Variants in TLK1 observed in about 807,000 individuals in gnomAD.
TLK1 encodes the protein serine/threonine-protein kinase tousled-like 1.
Under a neutral mutation model 105.3 loss-of-function variants are expected in TLK1, and 24 were observed. That is an observed-to-expected ratio of 0.23 (90% CI 0.17 to 0.32). The LOEUF (loss-of-function observed/expected upper bound fraction) is 0.32. Among genes scored for constraint, TLK1 ranks in the 10% least tolerant of loss-of-function variants. TLK1 has a pLI of 1.00. For synonymous variants in TLK1, 321 were observed against 310.4 expected, an observed-to-expected ratio of 1.03 and a Z score of -0.36; for missense variants, 558 against 910.5, an observed-to-expected ratio of 0.61 and a Z score of 4.98.
chr2:171,092,236 GA>G (rs1020982963), intron 2 of TLK1, among the ~76,000 whole-genome samples: 2 of 151,654 alleles, frequency 1.3e-5, no homozygotes, highest in Non-Finnish European at 2.9e-5. Flanking sequence ...TTCTGCCAAA[GA>G]AAAAAAATCC....
chr2:171,160,275 C>A lies in TLK1; in HGVS notation c.139+15G>T. On this transcript the variant is annotated intron_variant, in intron 1 of 20. Transcript: ENST00000431350. This position sits in a 1 kb window ranked among gnomAD's most constrained non-coding sequence, Gnocchi z 4.4. ...GAGGAGGCCCGCGAGCGGGCGCGGG[C>A]GCGGCGGTGCTTACCTTCCCTGGGC... 1 of 1,514,024 alleles carries A rather than the reference C, an allele frequency of 6.6e-7. No homozygotes were observed. Among genetic ancestry groups the A allele is most frequent in the Non-Finnish European group, 8.8e-7 (1 of 1,136,326 alleles). The allele number at this position is 1,514,024 out of a possible 1,614,324, so 93.8% of individuals were successfully genotyped here.
chr2:171,178,853 C>T (rs1692879080), intron 1 of TLK1, among the ~76,000 whole-genome samples: 1 of 152,162 alleles, frequency 6.6e-6, no homozygotes, highest in African/African-American at 2.4e-5. Context: ...TTAACATTAT[C>T]AAAACAGTCT....
At chr2:171,214,630 T>C (rs1391143680) in intron 1 of TLK1, among the ~76,000 whole-genome samples, 1 of 152,212 alleles carries the variant, frequency 6.6e-6, no homozygotes, top group Non-Finnish European at 1.5e-5. Flanking sequence ...GCAGTGAGGC[T>C]GAAAAATTTG....
chr2:171,128,222 C>T (rs999274747), intron 1 of TLK1, among the ~76,000 whole-genome samples: 1 of 152,054 alleles, frequency 6.6e-6, no homozygotes, highest in Non-Finnish European at 1.5e-5. Context: ...CTCTCTACTG[C>T]CATGACCTTA....
chr2:170,998,074 CTATCTATCTATCTAT>C (rs1684157144), intron 18 of TLK1, among the ~76,000 whole-genome samples: 1 of 90,612 alleles, frequency 1.1e-5, no homozygotes, highest in African/African-American at 3.4e-5. Context: ...ATCTATCTAT[CTATCTATCTATCTAT>C]CTACCTACCT....
intron 1 of TLK1, among the ~76,000 whole-genome samples, chr2:171,210,841 T>C (rs1283253644): frequency 1.3e-5 from 2 of 152,194 alleles, no homozygotes; most frequent in Non-Finnish European, 2.9e-5. Context: ...ATCTAGGAAC[T>C]GATAACAGGA....
At chr2:171,218,088 C>T (rs1319457376) in intron 1 of TLK1, among the ~76,000 whole-genome samples, 2 of 152,048 alleles carry the variant, frequency 1.3e-5, no homozygotes, top group Non-Finnish European at 2.9e-5. Context: ...CCTGTCTATA[C>T]TAAAAATACA....
At chr2:171,089,872 A>G (rs1339889669) in intron 2 of TLK1, among the ~76,000 whole-genome samples, 1 of 152,118 alleles carries the variant, frequency 6.6e-6, no homozygotes, top group Non-Finnish European at 1.5e-5. Flanking sequence ...AATATTCTTG[A>G]TATCTAGTAG....
intron 12 of TLK1, among the ~76,000 whole-genome samples, chr2:171,016,022 A>G (rs1283483204): frequency 6.6e-6 from 1 of 151,998 alleles, no homozygotes; most frequent in Non-Finnish European, 1.5e-5. Context: ...AAGTTGCAGC[A>G]AGCTGAGATC....
chr2:171,141,988 C>G (rs1198933422), intron 1 of TLK1, among the ~76,000 whole-genome samples: 1 of 152,040 alleles, frequency 6.6e-6, no homozygotes, highest in Non-Finnish European at 1.5e-5. Context: ...ACTAAACTAT[C>G]TGGCAATAGT....
intron 3 of TLK1, among the ~76,000 whole-genome samples, chr2:171,079,855 G>A (rs1236092677): frequency 2.6e-5 from 4 of 152,070 alleles, no homozygotes; most frequent in Non-Finnish European, 5.9e-5. Context: ...AGAAAACGAA[G>A]TACAGAAAAG....
upstream of TLK1, among the ~76,000 whole-genome samples, chr2:171,165,031 G>A (rs763999874): frequency 6.6e-6 from 1 of 152,166 alleles, no homozygotes; most frequent in East Asian, 1.9e-4. Context: ...AAAGTCAGAA[G>A]AGTTCAGATT....
intron 1 of TLK1, among the ~76,000 whole-genome samples, chr2:171,205,532 C>T (rs1693488775): frequency 6.6e-6 from 1 of 152,060 alleles, no homozygotes; most frequent in Non-Finnish European, 1.5e-5. Context: ...CCATGTTGCC[C>T]AGGCTGGTCT....
intron 20 of TLK1, 124 bp downstream of exon 20, chr2:170,996,529 C>A (rs948532330): frequency 5.7e-6 from 4 of 698,718 alleles, no homozygotes; most frequent in Non-Finnish European, 9.4e-6. Flanking sequence ...CCAGCCCCTG[C>A]TGGACAGATC....
At chr2:171,095,866 C>T (rs901213861) in intron 2 of TLK1, among the ~76,000 whole-genome samples, 4 of 151,250 alleles carry the variant, frequency 2.6e-5, no homozygotes, top group Non-Finnish European at 5.9e-5. Context: ...AGAAATGTAC[C>T]CAACATAATA....
intron 1 of TLK1, among the ~76,000 whole-genome samples, chr2:171,129,742 A>G (rs1260903353): frequency 2.0e-5 from 3 of 152,036 alleles, no homozygotes; most frequent in Non-Finnish European, 2.9e-5. Flanking sequence ...AGGTGGGAAG[A>G]TCACTTGAGC....
intron 1 of TLK1, among the ~76,000 whole-genome samples, chr2:171,201,029 A>T (rs1693388612): frequency 6.6e-6 from 1 of 151,766 alleles, no homozygotes; most frequent in South Asian, 2.1e-4. Context: ...ATTCAGGTGC[A>T]TGCTAACATG....
At chr2:171,223,590 C>T (rs1693846849) in intron 1 of TLK1, among the ~76,000 whole-genome samples, 1 of 151,340 alleles carries the variant, frequency 6.6e-6, no homozygotes, top group Non-Finnish European at 1.5e-5. Flanking sequence ...AGCGATTCTC[C>T]TGCCTCAGCC....
At chr2:171,069,486 C>T (rs1399889777) in intron 3 of TLK1, among the ~76,000 whole-genome samples, 5 of 152,108 alleles carry the variant, frequency 3.3e-5, no homozygotes, top group South Asian at 2.1e-4. Flanking sequence ...TTTTGGTTGA[C>T]GCACTGAGGA....
Sources: gnomAD v4.1 joint callset for allele counts (sites outside exome capture counted in the v4.1 genomes callset) on GRCh38, gnomAD v4.1.1 for gene constraint, Gnocchi (gnomAD v3.1) non-coding constraint, MANE v1.5 for transcripts, NCBI Gene and HGNC (gene_info 2026-07-23, HGNC 2026-07-21) for gene names.